The following CTNNA3 variants were observed in gnomAD, a reference collection of about 807,000 sequenced individuals.
CTNNA3 encodes catenin alpha 3.
A neutral mutation model predicts 95.7 loss-of-function variants in CTNNA3; 76 were observed. The ratio of observed to expected loss-of-function variants is 0.79; its 90% CI spans 0.66 to 0.96. The LOEUF (loss-of-function observed/expected upper bound fraction) is 0.96, where lower values mean the gene tolerates loss of function less well. Ranked by LOEUF, CTNNA3 falls within the 40% of genes least tolerant of loss-of-function variation. The probability of loss-of-function intolerance (pLI) is 0.00; values close to 1 mark genes in which losing one functional copy is unlikely to be tolerated. For synonymous variants in CTNNA3, 431 were observed against 374.4 expected, an observed-to-expected ratio of 1.15 and a Z score of -1.74; for missense variants, 1,191 against 1,089.8, an observed-to-expected ratio of 1.09 and a Z score of -1.31.
chr10:67,653,779 CT>C (rs1447112733), intron 1 of CTNNA3, among the ~76,000 whole-genome samples: 1 of 152,150 alleles, frequency 6.6e-6, no homozygotes, highest in African/African-American at 2.4e-5. Context: ...TCCCCACCCC[CT>C]ATCCTCATGC....
intron 7 of CTNNA3, among the ~76,000 whole-genome samples, chr10:66,956,388 T>G (rs1848794311): frequency 6.6e-6 from 1 of 152,094 alleles, no homozygotes; most frequent in Non-Finnish European, 1.5e-5. Context: ...CATTGCTTGC[T>G]ATCTTGTTAA....
intron 14 of CTNNA3, among the ~76,000 whole-genome samples, chr10:66,086,863 G>A (rs1296685872): frequency 6.6e-6 from 1 of 152,064 alleles, no homozygotes; most frequent in Non-Finnish European, 1.5e-5. Context: ...AATTATTTAG[G>A]CAGTTAGTGA....
chr10:66,585,217 G>T (rs1843320143), intron 10 of CTNNA3, among the ~76,000 whole-genome samples: 1 of 151,688 alleles, frequency 6.6e-6, no homozygotes, highest in African/African-American at 2.4e-5. Context: ...TCTTATATTT[G>T]GATATCTATG....
At chr10:65,922,735 TC>T (rs905608363) in intron 17 of CTNNA3, among the ~76,000 whole-genome samples, 1 of 152,190 alleles carries the variant, frequency 6.6e-6, no homozygotes, top group Non-Finnish European at 1.5e-5. Context: ...CTCCAGAGTT[TC>T]TTCTCAATGT....
intron 5 of CTNNA3, among the ~76,000 whole-genome samples, chr10:67,365,726 A>C (rs993025936): frequency 6.6e-6 from 1 of 152,198 alleles, no homozygotes; most frequent in Non-Finnish European, 1.5e-5. Flanking sequence ...TCAGGAAACA[A>C]CAGATGCTGG....
At chr10:66,658,226 T>TTC (rs10659165) in intron 9 of CTNNA3, among the ~76,000 whole-genome samples, 78,597 of 148,680 alleles carry the variant, frequency 0.53, 22,197 homozygotes, top group East Asian at 0.76. Context: ...CTCTCTCTCT[T>TTC]TCTCTCTCTC....
At chr10:67,388,343 G>A (rs921732910) in intron 5 of CTNNA3, among the ~76,000 whole-genome samples, 35 of 141,206 alleles carry the variant, frequency 2.5e-4, no homozygotes, top group Non-Finnish European at 4.7e-4. Context: ...AATGACGTGA[G>A]AAGGGAAGTT....
intron 9 of CTNNA3, among the ~76,000 whole-genome samples, chr10:66,689,811 C>G (rs959686068): frequency 6.6e-6 from 1 of 151,990 alleles, no homozygotes. Context: ...AGTAAGACTA[C>G]AAGGGAGAGA....
intron 10 of CTNNA3, among the ~76,000 whole-genome samples, chr10:66,592,195 T>C (rs1358105185): frequency 6.6e-6 from 1 of 152,200 alleles, no homozygotes; most frequent in Non-Finnish European, 1.5e-5. Context: ...AAATTAGATA[T>C]CTGGTTTTTC....
chr10:66,004,035 CT>C (rs2078829277), intron 15 of CTNNA3, among the ~76,000 whole-genome samples: 1 of 152,118 alleles, frequency 6.6e-6, no homozygotes, highest in South Asian at 2.1e-4. Flanking sequence ...CACTCCTTAA[CT>C]TTTCTCCAAC....
chr10:66,285,380 T>G (rs1311731208), intron 12 of CTNNA3, among the ~76,000 whole-genome samples: 3 of 151,874 alleles, frequency 2.0e-5, no homozygotes, highest in Non-Finnish European at 4.4e-5. Context: ...AAACTCATCT[T>G]CTTTCCCTGT....
intron 6 of CTNNA3, among the ~76,000 whole-genome samples, chr10:67,213,497 A>G (rs1409083200): frequency 6.6e-6 from 1 of 151,414 alleles, no homozygotes; most frequent in Non-Finnish European, 1.5e-5. Context: ...GGTTTTTTAT[A>G]TTGTCTGTTT....
chr10:66,558,174 C>T (rs190759483), intron 10 of CTNNA3, among the ~76,000 whole-genome samples: 1 of 152,184 alleles, frequency 6.6e-6, no homozygotes, highest in African/African-American at 2.4e-5. Flanking sequence ...TACATTTGGA[C>T]AAAGCAGCTA....
chr10:66,730,096 ACT>A (rs1385602744), intron 9 of CTNNA3, among the ~76,000 whole-genome samples: 1 of 124,460 alleles, frequency 8.0e-6, no homozygotes, highest in Non-Finnish European at 1.7e-5. Context: ...ACAGAGCGAT[ACT>A]CTGTCTGAAA....
At chr10:66,721,969 T>G (rs1315654261) in intron 9 of CTNNA3, among the ~76,000 whole-genome samples, 1 of 152,188 alleles carries the variant, frequency 6.6e-6, no homozygotes, top group Non-Finnish European at 1.5e-5. Flanking sequence ...GTCATGCAGT[T>G]TCAAGAGCAT....
chr10:67,406,467 G>A (rs1845141375), intron 5 of CTNNA3, among the ~76,000 whole-genome samples: 1 of 152,064 alleles, frequency 6.6e-6, no homozygotes, highest in African/African-American at 2.4e-5. Context: ...ACATCAAAAT[G>A]TTAAAAAGAT....
chr10:66,762,991 A>G (rs1252924962), intron 9 of CTNNA3, among the ~76,000 whole-genome samples: 3 of 152,090 alleles, frequency 2.0e-5, no homozygotes, highest in Non-Finnish European at 4.4e-5. Flanking sequence ...TTTAGAATGT[A>G]AGACTTTCTG....
intron 11 of CTNNA3, among the ~76,000 whole-genome samples, chr10:66,450,584 T>G (rs969262059): frequency 3.9e-5 from 6 of 152,224 alleles, no homozygotes; most frequent in Admixed American, 2.0e-4. Context: ...AGAAATTGCA[T>G]TTTACAATAG....
At chr10:66,760,815 C>G (rs891681889) in intron 9 of CTNNA3, among the ~76,000 whole-genome samples, 2 of 152,058 alleles carry the variant, frequency 1.3e-5, no homozygotes, top group Non-Finnish European at 2.9e-5. Flanking sequence ...CAGTTTATAA[C>G]CAAGGGAGTG....
Sources: allele counts gnomAD v4.1 joint callset (sites outside exome capture counted in the v4.1 genomes callset), GRCh38; gene constraint gnomAD v4.1.1; transcripts MANE v1.5; gene names NCBI Gene and HGNC (gene_info 2026-07-23, HGNC 2026-07-21).